The following FUT8 variants were observed in gnomAD, a reference collection of about 807,000 sequenced individuals.
FUT8 encodes the protein alpha-(1,6)-fucosyltransferase.
A neutral mutation model predicts 71.3 loss-of-function variants in FUT8; 29 were observed. The observed-to-expected ratio is 0.41, with a 90% CI of 0.30 to 0.55. FUT8 has a LOEUF of 0.55. Ranked by LOEUF, FUT8 falls within the 20% of genes least tolerant of loss-of-function variation. The pLI is 0.34. For synonymous variants in FUT8, 254 were observed against 239.3 expected, an observed-to-expected ratio of 1.06 and a Z score of -0.57; for missense variants, 544 against 702.1, an observed-to-expected ratio of 0.77 and a Z score of 2.55.
At chr14:65,609,091 T>C (rs1019674929) in intron 3 of FUT8, among the ~76,000 whole-genome samples, 1 of 151,800 alleles carries the variant, frequency 6.6e-6, no homozygotes, top group African/African-American at 2.4e-5. Context: ...GGTCAGGAGT[T>C]GAAGACCAGC....
At chr14:65,611,215 GCGCGCGCGCACACACACACACACACACA>G (rs1888921361) in intron 3 of FUT8, among the ~76,000 whole-genome samples, 8 of 4,618 alleles carry the variant, frequency 1.7e-3, no homozygotes, top group Non-Finnish European at 3.6e-3. Flanking sequence ...GCGCGCGCGC[GCGCGCGCGCACACACACACACACACACA>G]CACACACACA....
In FUT8 at chr14:65,551,468, C is replaced by T. The variant is rs915166987; in HGVS notation, c.-227-9869C>T. On this transcript the variant is annotated intron_variant, in intron 2 of 10. Transcript: ENST00000673929. ...TAAGTCTCAGAAATCTTTTGTACAG[C>T]GTGGTGCCTATAGTTAACAATACTG... Among the ~76,000 whole-genome samples the T allele has an allele frequency of 2.4e-4, 37 of 152,082 alleles. 1 individual carries two copies. Among genetic ancestry groups the T allele is most frequent in the East Asian group, 1.9e-4 (1 of 5,202 alleles).
chr14:65,522,054 A>T lies in FUT8; in HGVS notation c.-227-39283A>T, dbSNP rs983714110. 2.0e-5 allele frequency among the ~76,000 whole-genome samples: 3 copies of T among 152,122 alleles called. No individual in the cohort carries two copies. In the East Asian group the frequency reaches 5.8e-4, roughly 29 times the overall value. On this transcript the variant is annotated intron_variant, in intron 2 of 10. Transcript: ENST00000673929. ...GCAAAGATTTTTGGTCTCTTAGTCT[A>T]ACTTTAGTCCATTGATGGGGTGATC...
intron 2 of FUT8, chr14:65,528,902 A>C (rs937137248): frequency 2.0e-5 from 3 of 152,652 alleles, no homozygotes; most frequent in African/African-American, 4.8e-5. Context: ...TCTAGGACCA[A>C]GTATATTGGT....
intron 3 of FUT8, among the ~76,000 whole-genome samples, chr14:65,591,891 T>C (rs1887709056): frequency 6.7e-6 from 1 of 148,906 alleles, no homozygotes; most frequent in Admixed American, 6.6e-5. Context: ...ACAGCATACT[T>C]TACTTATGTG....
At chr14:65,571,675 G>T (rs1286023300) in intron 3 of FUT8, among the ~76,000 whole-genome samples, 1 of 152,034 alleles carries the variant, frequency 6.6e-6, no homozygotes, top group African/African-American at 2.4e-5. Context: ...AGCACATTTA[G>T]AATATAATGC....
chr14:65,662,941 A>G (rs1212709420), intron 6 of FUT8, among the ~76,000 whole-genome samples: 2 of 152,216 alleles, frequency 1.3e-5, no homozygotes, highest in African/African-American at 2.4e-5. Flanking sequence ...AACTTGAATT[A>G]TCATTATTGC....
intron 6 of FUT8, among the ~76,000 whole-genome samples, chr14:65,640,123 AAATAAAGAAATAAAGC>A (rs1297175154): frequency 6.6e-6 from 1 of 152,114 alleles, no homozygotes; most frequent in Non-Finnish European, 1.5e-5. Context: ...GCCTGACTTG[AAATAAAGAAATAAAGC>A]AATAAAGAAA....
At chr14:65,407,266 C>G (rs1425338640), upstream of FUT8, among the ~76,000 whole-genome samples, 5 of 152,142 alleles carry the variant, frequency 3.3e-5, no homozygotes, top group Non-Finnish European at 4.4e-5. Context: ...AAATTATTAG[C>G]TATTTCCCTA....
chr14:65,364,846 A>T, the FUT8 span, among the ~76,000 whole-genome samples: 1 of 152,026 alleles, frequency 6.6e-6, no homozygotes, highest in South Asian at 2.1e-4. Flanking sequence ...GATCCCATTA[A>T]CTTCATTTTC....
At chr14:65,372,199 C>T in the FUT8 span, among the ~76,000 whole-genome samples, 6 of 152,144 alleles carry the variant, frequency 3.9e-5, no homozygotes, top group Admixed American at 2.6e-4. Flanking sequence ...CCCCTTTGAC[C>T]TCTGATGCCT....
At chr14:65,358,383 CTT>C in the FUT8 span, among the ~76,000 whole-genome samples, 1 of 151,988 alleles carries the variant, frequency 6.6e-6, no homozygotes, top group Non-Finnish European at 1.5e-5. Flanking sequence ...TATTTAAACA[CTT>C]TTTAATAACA....
intron 3 of FUT8, among the ~76,000 whole-genome samples, chr14:65,572,028 G>A (rs1886505910): frequency 6.6e-6 from 1 of 152,152 alleles, no homozygotes; most frequent in Non-Finnish European, 1.5e-5. Context: ...AGTCTTACAA[G>A]TTTTTTGTAA....
chr14:65,519,962 A>G (rs1882971056), intron 2 of FUT8, among the ~76,000 whole-genome samples: 1 of 151,992 alleles, frequency 6.6e-6, no homozygotes, highest in African/African-American at 2.4e-5. Context: ...TAATTTTTGT[A>G]GAGGCCGGGT....
intron 6 of FUT8, among the ~76,000 whole-genome samples, chr14:65,665,477 T>C (rs1044496669): frequency 3.9e-5 from 6 of 152,188 alleles, no homozygotes; most frequent in African/African-American, 9.6e-5. Context: ...AAAGAACTTA[T>C]ACACTGCTGG....
the FUT8 span, among the ~76,000 whole-genome samples, chr14:65,370,366 C>A: frequency 6.6e-6 from 1 of 151,664 alleles, no homozygotes; most frequent in Non-Finnish European, 1.5e-5. Flanking sequence ...TGCCACCAGG[C>A]CCGGCTAATT....
In FUT8 at chr14:65,611,184, T is replaced by C. The variant is rs563520397; in HGVS notation, c.204-4794T>C. On this transcript the variant is annotated intron_variant, in intron 3 of 10. Coordinates refer to ENST00000673929, the MANE Select transcript of FUT8 (RefSeq NM_001371533.1). The stretch of plus-strand genomic sequence containing the variant: ...TTAAGTTGTTACATTTTAAGTGTCA[T>C]ACACACACACACACGCGCGCGCGCG... 1.5e-3 allele frequency among the ~76,000 whole-genome samples: 153 copies of C among 103,590 alleles called. 1 individual carries two copies. The highest frequency in any genetic ancestry group is 9.2e-3 in the Middle Eastern group (2 of 218). 68.0% of individuals were successfully genotyped at this position (103,590 alleles called of 152,430 possible).
intron 2 of FUT8, among the ~76,000 whole-genome samples, chr14:65,512,907 C>CAAAAAA (rs35280167): frequency 1.1e-4 from 9 of 83,954 alleles, no homozygotes; most frequent in East Asian, 2.8e-4. Context: ...GACTCTGTCT[C>CAAAAAA]AAAAAAAAAA....
chr14:65,661,807 T>G (rs1274490294), intron 6 of FUT8, among the ~76,000 whole-genome samples: 1 of 152,196 alleles, frequency 6.6e-6, no homozygotes, highest in African/African-American at 2.4e-5. Context: ...TGAAAATTGT[T>G]CTTTTTTTGC....
Sources: allele counts gnomAD v4.1 joint callset (sites outside exome capture counted in the v4.1 genomes callset), GRCh38; gene constraint gnomAD v4.1.1; transcripts MANE v1.5; gene names NCBI Gene and HGNC (gene_info 2026-07-23, HGNC 2026-07-21).